Variants in THNSL1 observed in about 807,000 individuals in gnomAD.
The protein encoded by THNSL1 is threonine synthase-like 1.
Under a neutral mutation model 50.4 loss-of-function variants are expected in THNSL1, and 48 were observed. The observed-to-expected ratio is 0.95, with a 90% CI of 0.76 to 1.21. THNSL1 has a LOEUF of 1.21. Among genes scored for constraint, THNSL1 ranks in the 50% most tolerant of loss-of-function variants. The probability of loss-of-function intolerance (pLI) is 0.00; values close to 1 mark genes in which losing one functional copy is unlikely to be tolerated. For missense variants in THNSL1, 896 were observed against 871.7 expected (o/e 1.03, Z -0.35); for synonymous variants, 309 against 306.1 (o/e 1.01, Z -0.10).
the THNSL1 span, among the ~76,000 whole-genome samples, chr10:24,966,335 G>T: frequency 6.6e-6 from 1 of 152,242 alleles, no homozygotes; most frequent in African/African-American, 2.4e-5. Context: ...ACCCCAATGT[G>T]TTGTACATGC....
At chr10:24,952,607 G>T in the THNSL1 span, 3 of 1,565,176 alleles carry the variant, frequency 1.9e-6, no homozygotes, top group Admixed American at 1.9e-5. The surrounding 1 kb of genome is among the most constrained non-coding windows in gnomAD (Gnocchi z 5.1). Flanking sequence ...AAGGGAAGAC[G>T]GCGCGGGAAG....
intron 2 of THNSL1, among the ~76,000 whole-genome samples, chr10:25,022,408 G>A (rs1850739960): frequency 6.6e-6 from 1 of 152,124 alleles, no homozygotes; most frequent in Admixed American, 6.5e-5. Flanking sequence ...TGCAGATAAG[G>A]TTATATGTAG....
the THNSL1 span, among the ~76,000 whole-genome samples, chr10:24,962,550 C>T: frequency 6.6e-6 from 1 of 152,102 alleles, no homozygotes; most frequent in South Asian, 2.1e-4. Context: ...TTTTAAAAAT[C>T]ATTTAAACAT....
the THNSL1 span, among the ~76,000 whole-genome samples, chr10:24,974,088 A>T: frequency 6.6e-6 from 1 of 152,272 alleles, no homozygotes; most frequent in East Asian, 1.9e-4. Context: ...ATGTAAAAAA[A>T]ATTGAATAAG....
the THNSL1 span, among the ~76,000 whole-genome samples, chr10:24,976,332 GA>G: frequency 6.6e-6 from 1 of 151,998 alleles, no homozygotes; most frequent in African/African-American, 2.4e-5. Flanking sequence ...TCAAGAAAGA[GA>G]AAAACACAAA....
At chr10:24,984,513 T>G in the THNSL1 span, 1 of 1,222,388 alleles carries the variant, frequency 8.2e-7, no homozygotes, top group East Asian at 2.6e-5. Context: ...ATTCTCAAAT[T>G]TAATAGTTTA....
At chr10:24,997,216 C>T in the THNSL1 span, among the ~76,000 whole-genome samples, 2 of 152,006 alleles carry the variant, frequency 1.3e-5, 1 homozygote, top group Non-Finnish European at 2.9e-5. Context: ...AACATAGACC[C>T]TATCTCCAAA....
chr10:25,013,467 T>C (rs1313422789), upstream of THNSL1, among the ~76,000 whole-genome samples: 3 of 152,322 alleles, frequency 2.0e-5, no homozygotes, highest in Admixed American at 1.3e-4. Flanking sequence ...TGTGAGCCAA[T>C]AGTTGGACAT....
chr10:24,965,391 T>A, the THNSL1 span, among the ~76,000 whole-genome samples: 1 of 152,206 alleles, frequency 6.6e-6, no homozygotes, highest in Admixed American at 6.6e-5. Context: ...GCCACAGCCC[T>A]CATTGACTTG....
the THNSL1 span, among the ~76,000 whole-genome samples, chr10:24,967,017 T>C: frequency 0.046 from 6,926 of 152,178 alleles, 471 homozygotes; most frequent in African/African-American, 0.15. Flanking sequence ...TTTTTTTACC[T>C]AACTAAATAA....
the THNSL1 span, among the ~76,000 whole-genome samples, chr10:24,968,084 G>A: frequency 6.6e-6 from 1 of 151,410 alleles, no homozygotes. Context: ...CTGGGATGCT[G>A]CAAAGAGTGC....
chr10:25,023,779 C>A lies in THNSL1; in HGVS notation c.556C>A (p.Leu186Ile), dbSNP rs906064219. 4.3e-6 allele frequency: 7 copies of A among 1,613,914 alleles called. No homozygotes were observed. The Admixed American group carries it at 6.7e-5, about 15-fold the overall frequency. ...QNSGTSMKDL[L>I]KFRRQYYKKW... ...TTCTGGAACATCTATGAAAGACTTA[C>A]TTAAATTTAGAAGACAGTATTATAA... The change falls in exon 3 of 3, where the codon CTT (leucine) becomes ATT (isoleucine). Residue 186 changes from leucine to isoleucine, a missense_variant. Transcript: ENST00000376356.
chr10:24,984,276 CA>C, the THNSL1 span: 1 of 1,356,316 alleles, frequency 7.4e-7, no homozygotes, highest in African/African-American at 1.5e-5. Context: ...AGCTCAGAAA[CA>C]ATGTGTTGGA....
At chr10:24,983,742 G>A in the THNSL1 span, 1 of 152,036 alleles carries the variant, frequency 6.6e-6, no homozygotes, top group African/African-American at 2.4e-5. Flanking sequence ...TTGTCCAGAG[G>A]ATAAAAACCA....
At chr10:24,965,209 A>G in the THNSL1 span, among the ~76,000 whole-genome samples, 3 of 152,162 alleles carry the variant, frequency 2.0e-5, no homozygotes, top group Non-Finnish European at 4.4e-5. Context: ...GGGACTCACA[A>G]CCCTAAGGTT....
the THNSL1 span, among the ~76,000 whole-genome samples, chr10:24,991,162 C>T: frequency 3.2e-4 from 48 of 152,070 alleles, no homozygotes; most frequent in Non-Finnish European, 5.4e-4. Context: ...ATGTTTCCCA[C>T]GCCTGCTCCT....
the THNSL1 span, among the ~76,000 whole-genome samples, chr10:24,957,729 C>T: frequency 1.3e-5 from 2 of 152,322 alleles, no homozygotes; most frequent in African/African-American, 4.8e-5. Flanking sequence ...GATCTGCCTG[C>T]CTCGGCCTGC....
At chr10:24,985,901 C>T in the THNSL1 span, among the ~76,000 whole-genome samples, 1 of 152,088 alleles carries the variant, frequency 6.6e-6, no homozygotes, top group East Asian at 1.9e-4. Context: ...AACCCTGTCG[C>T]TACAAAAAAT....
rs12767659 is a variant in THNSL1 at position 25,025,565 on chromosome 10, C to T, written c.*110C>T. ...GTCTTTTATGTAAATATCTCTATAT[C>T]TGTTTGGAATTTCAAAAGTCTGATC... On this transcript the variant is annotated 3_prime_UTR_variant, in exon 3 of 3. Transcript: ENST00000376356. 1.8e-6 allele frequency: 2 copies of T among 1,083,154 alleles called. No individual in the cohort carries two copies. The highest frequency in any genetic ancestry group is 2.6e-6 in the Non-Finnish European group (2 of 761,586). 67.1% of individuals were successfully genotyped at this position (1,083,154 alleles called of 1,614,324 possible).
Sources: gnomAD v4.1 joint callset for allele counts (sites outside exome capture counted in the v4.1 genomes callset) on GRCh38, gnomAD v4.1.1 for gene constraint, Gnocchi (gnomAD v3.1) non-coding constraint, MANE v1.5 for transcripts, NCBI Gene and HGNC (gene_info 2026-07-23, HGNC 2026-07-21) for gene names.